PIEZO2: variants seen among roughly 807,000 people sequenced by gnomAD.
PIEZO2 encodes piezo type mechanosensitive ion channel component 2.
Under a neutral mutation model 337.3 loss-of-function variants are expected in PIEZO2, and 172 were observed. The ratio of observed to expected loss-of-function variants is 0.51; its 90% CI spans 0.45 to 0.58. The LOEUF (loss-of-function observed/expected upper bound fraction) is 0.58. Among genes scored for constraint, PIEZO2 ranks in the 20% least tolerant of loss-of-function variants. The pLI, the probability that PIEZO2 is intolerant of heterozygous loss-of-function variation, is 0.00. For synonymous variants in PIEZO2, 1,251 were observed against 1,228.5 expected (o/e 1.02, Z -0.38); for missense variants, 3,028 against 3,391.3 (o/e 0.89, Z 2.66).
At chr18:10,774,654 T>A (rs574660076) in intron 18 of PIEZO2, among the ~76,000 whole-genome samples, 46 of 152,300 alleles carry the variant, frequency 3.0e-4, no homozygotes, top group African/African-American at 1.1e-3. Flanking sequence ...TAGTGGACCA[T>A]AACAAGTCCC....
chr18:10,696,610 A>C, intron 45 of PIEZO2, 71 bp from the exon 46 acceptor site: 1 of 1,542,574 alleles, frequency 6.5e-7, no homozygotes, highest in South Asian at 1.2e-5. Context: ...ATGACCAGAC[A>C]CTGCCATCAT....
At chr18:10,791,407 C>T in intron 13 of PIEZO2, 83 bp from the exon 14 acceptor site, 1 of 1,356,656 alleles carries the variant, frequency 7.4e-7, no homozygotes, top group South Asian at 1.5e-5. Context: ...ATTTTCTCCG[C>T]ATTCCAGTGG....
In PIEZO2 at chr18:10,813,568, T is replaced by C. The variant is rs571306443; in HGVS notation, c.918-6294A>G. The stretch of plus-strand genomic sequence containing the variant: ...CTCAAGGTTCATTCATGTTGTAGCA[T>C]GTGTCAGAATTTCCTTCCACTTTAA... On this transcript the variant is annotated intron_variant, in intron 7 of 55. Transcript: ENST00000674853. This position sits in a 1 kb window ranked among gnomAD's most constrained non-coding sequence, Gnocchi z 4.2. 6.6e-6 allele frequency among the ~76,000 whole-genome samples: 1 copy of C among 152,302 alleles called. No homozygotes were observed. Among genetic ancestry groups the C allele is most frequent in the South Asian group, 2.1e-4 (1 of 4,826 alleles).
At chr18:11,108,776 G>A (rs572473732) in intron 1 of PIEZO2, among the ~76,000 whole-genome samples, 17 of 152,180 alleles carry the variant, frequency 1.1e-4, no homozygotes, top group East Asian at 1.9e-4. Context: ...GGAAATGCTC[G>A]TGCCACAGCT....
Position 10,702,029 on chromosome 18 carries a change from A to T in PIEZO2, c.6401T>A (p.Ile2134Asn). The change falls in exon 43 of 56, where the codon ATC becomes AAC. Residue 2134 changes from isoleucine (I) to asparagine (N), a missense_variant. Ile to Asn is a moderately radical substitution (Grantham distance 149). This residue lies in a region of PIEZO2 where 1,925 missense variants were observed against 2,051.9 expected (regional missense o/e 0.94). Coordinates refer to ENST00000674853, the MANE Select transcript of PIEZO2 (RefSeq NM_001378183.1). ...KKEGYVLYDL[I>N]QLLALFFHRS... ...ATGAAAGAACAGAGCCAGGAGCTGG[A>T]TGAGGTCATAGAGAACATAACCTTC... 1 of 1,534,840 alleles carries T rather than the reference A, an allele frequency of 6.5e-7. No homozygotes were observed. The highest frequency in any genetic ancestry group is 8.7e-7 in the Non-Finnish European group (1 of 1,146,216).
intron 3 of PIEZO2, among the ~76,000 whole-genome samples, chr18:10,946,373 A>G (rs2033022292): frequency 6.6e-6 from 1 of 152,204 alleles, no homozygotes; most frequent in Admixed American, 6.5e-5. Context: ...TTTATACCCT[A>G]CAAACATATC....
chr18:10,961,326 A>G (rs2033771086), intron 3 of PIEZO2, among the ~76,000 whole-genome samples: 1 of 152,234 alleles, frequency 6.6e-6, no homozygotes, highest in Non-Finnish European at 1.5e-5. Context: ...AAAACCAAAC[A>G]TCGTATGTTC....
chr18:10,895,553 G>A lies in PIEZO2; in HGVS notation c.329+15633C>T, dbSNP rs1390876311. On this transcript the variant is annotated intron_variant, in intron 4 of 55. Transcript: ENST00000674853. This position sits in a 1 kb window ranked among gnomAD's most constrained non-coding sequence, Gnocchi z 4.8. ...AGCTGGAACAGAGTGCCGGGGAATGGTGCCGTTTGTTGGGGTACCTGTGCA... is the reference window on the plus strand; with the variant it reads ...AGCTGGAACAGAGTGCCGGGGAATGATGCCGTTTGTTGGGGTACCTGTGCA... 6.6e-6 allele frequency among the ~76,000 whole-genome samples: 1 copy of A among 152,166 alleles called. No individual in the cohort carries two copies. Among genetic ancestry groups the A allele is most frequent in the Non-Finnish European group, 1.5e-5 (1 of 68,034 alleles).
At chr18:11,090,071 G>T (rs907217108) in intron 1 of PIEZO2, among the ~76,000 whole-genome samples, 1 of 152,226 alleles carries the variant, frequency 6.6e-6, no homozygotes, top group Non-Finnish European at 1.5e-5. Context: ...CAGGAAGCCT[G>T]ACAACCCGGA....
intron 2 of PIEZO2, among the ~76,000 whole-genome samples, chr18:11,049,120 TAAG>T (rs1456305869): frequency 6.6e-6 from 1 of 152,226 alleles, no homozygotes; most frequent in East Asian, 1.9e-4. Flanking sequence ...AAAATAACCC[TAAG>T]AAGTCAAAGG....
Position 10,705,641 on chromosome 18 carries a change from C to T in PIEZO2, c.5694G>A (p.Glu1898=). ...QEEEAGSTAP[E]PREAKEYEAT... is the part of the protein sequence containing the mutation. Reference sequence around the variant, plus strand: ...CCTCGTACTCCTTGGCCTCCCTGGGCTCAGGCGCCGTGCTCCCTGCCTCCT... The same window carrying T: ...CCTCGTACTCCTTGGCCTCCCTGGGTTCAGGCGCCGTGCTCCCTGCCTCCT... Residue 1898 remains glutamate, a synonymous_variant, in exon 41 of 56, where the codon GAG becomes GAA. Coordinates refer to ENST00000674853, the MANE Select transcript of PIEZO2 (RefSeq NM_001378183.1). The T allele has an allele frequency of 6.5e-7, 1 of 1,537,180 alleles. No individual in the cohort carries two copies. Among genetic ancestry groups the T allele is most frequent in the Non-Finnish European group, 8.7e-7 (1 of 1,146,910 alleles).
chr18:11,106,062 A>AAACC (rs2039550394), intron 1 of PIEZO2, among the ~76,000 whole-genome samples: 1 of 152,096 alleles, frequency 6.6e-6, no homozygotes, highest in African/African-American at 2.4e-5. Flanking sequence ...CACTATGCTG[A>AAACC]AACCCACTTG....
In PIEZO2 at chr18:10,691,260, C is replaced by T. The variant is rs778973572; in HGVS notation, c.7314G>A (p.Lys2438=). The change falls in exon 48 of 56, where the codon AAG becomes AAA. Residue 2438 remains lysine, a synonymous_variant. Transcript: ENST00000674853. ...PTRVLGNFLT[K]SYNYVNLFLF... ...AGAAGAGGTTGACGTAATTGTAGCTCTTGGTGAGGAAGTTCCCCAGGACTC... is the reference window on the plus strand; with the variant it reads ...AGAAGAGGTTGACGTAATTGTAGCTTTTGGTGAGGAAGTTCCCCAGGACTC... The T allele has an allele frequency of 9.3e-6, 15 of 1,613,918 alleles. No homozygotes were observed. The highest frequency in any genetic ancestry group is 3.3e-5 in the Admixed American group (2 of 59,978).
At chr18:10,811,836 TC>T (rs2040200142) in intron 7 of PIEZO2, among the ~76,000 whole-genome samples, 1 of 152,254 alleles carries the variant, frequency 6.6e-6, no homozygotes, top group Non-Finnish European at 1.5e-5. Context: ...GTTGTTTTTT[TC>T]TTTTTTGTTT....
intron 35 of PIEZO2, 22 bp from the exon 36 acceptor site, chr18:10,731,543 A>G (rs999648872): frequency 9.7e-6 from 14 of 1,448,878 alleles, no homozygotes; most frequent in Non-Finnish European, 1.3e-5. Flanking sequence ...AAGTTCAATT[A>G]TTTTCTGGCC....
rs1042632283 is a variant in PIEZO2, at chr18:10,682,776, T to G, written c.7498-484A>C. On this transcript the variant is annotated intron_variant, in intron 49 of 55. Transcript: ENST00000674853. The surrounding 1 kb of genome is among the most constrained non-coding windows in gnomAD (Gnocchi z 5.6). Reference sequence around the variant, plus strand: ...TAATTTAATTCATGACACGTGTTGTTAAAGACAATGTTGTTCGACACCTAA... The same window carrying G: ...TAATTTAATTCATGACACGTGTTGTGAAAGACAATGTTGTTCGACACCTAA... 1.8e-5 allele frequency among the ~76,000 whole-genome samples: 1 copy of G among 54,154 alleles called. No individual in the cohort carries two copies. The allele number at this position is 54,154 out of a possible 152,430, so 35.5% of individuals were successfully genotyped here.
At chr18:11,050,524 TACACACACACACACACAC>T (rs56107549) in intron 2 of PIEZO2, among the ~76,000 whole-genome samples, 179 of 149,078 alleles carry the variant, frequency 1.2e-3, no homozygotes, top group African/African-American at 4.2e-3. Context: ...GTGTTTATTT[TACACACACACACACACAC>T]ACACACACAC....
rs541456052 is a variant in PIEZO2 at position 10,821,636 on chromosome 18, T to C, written c.918-14362A>G. 2.0e-5 allele frequency among the ~76,000 whole-genome samples: 3 copies of C among 152,298 alleles called. No individual in the cohort carries two copies. Among genetic ancestry groups the C allele is most frequent in the African/African-American group, 7.2e-5 (3 of 41,568 alleles). ...AGATACAACCTAGAAGTTTTCCAGGTTGCTGGAACCAGGAAATATGAGTCA... is the reference window on the plus strand; with the variant it reads ...AGATACAACCTAGAAGTTTTCCAGGCTGCTGGAACCAGGAAATATGAGTCA... On this transcript the variant is annotated intron_variant, in intron 7 of 55. Transcript: ENST00000674853. This position sits in a 1 kb window ranked among gnomAD's most constrained non-coding sequence, Gnocchi z 4.2.
intron 3 of PIEZO2, among the ~76,000 whole-genome samples, chr18:10,926,909 A>C (rs77006806): frequency 6.6e-6 from 1 of 152,240 alleles, no homozygotes. Context: ...GTTTTATCAT[A>C]TATGTCCAAG....
Sources: allele counts gnomAD v4.1 joint callset (sites outside exome capture counted in the v4.1 genomes callset), GRCh38; gene constraint gnomAD v4.1.1; regional missense constraint gnomAD v4.1.1; non-coding constraint Gnocchi (gnomAD v3.1); transcripts MANE v1.5; gene names NCBI Gene and HGNC (gene_info 2026-07-23, HGNC 2026-07-21).